PLXNC1: variants seen among roughly 807,000 people sequenced by gnomAD.
The protein encoded by PLXNC1 is plexin C1, also known as plexin-C1.
A neutral mutation model predicts 178.2 loss-of-function variants in PLXNC1; 75 were observed. The ratio of observed to expected loss-of-function variants is 0.42; its 90% confidence interval spans 0.35 to 0.51. PLXNC1 has a LOEUF of 0.51. Among genes scored for constraint, PLXNC1 ranks in the 20% least tolerant of loss-of-function variants. PLXNC1 has a pLI of 0.02. For synonymous variants in PLXNC1, 790 were observed against 779.9 expected (o/e 1.01, Z -0.22); for missense variants, 1,503 against 1,984.4 (o/e 0.76, Z 4.61).
At position 94,303,796 on chromosome 12, in the gene PLXNC1, C is replaced by T. The variant is rs757529377; in HGVS notation, c.4427C>T (p.Pro1476Leu). The change falls in exon 29 of 31, where the codon CCA becomes CTA. Residue 1476 changes from proline (P) to leucine (L), a missense_variant. By Grantham distance (98) the Pro-to-Leu change is moderately conservative. Transcript: ENST00000258526. ...TNKLLYAKDI[P>L]TYKEEVKSYY... ...AAGCTTCTCTATGCCAAGGATATCCCAACCTACAAAGAAGAAGTAAAATCT... is the reference window on the plus strand; with the variant it reads ...AAGCTTCTCTATGCCAAGGATATCCTAACCTACAAAGAAGAAGTAAAATCT... The T allele has an allele frequency of 6.2e-6, 10 of 1,605,378 alleles. No homozygotes were observed. The highest frequency in any genetic ancestry group is 7.6e-6 in the Non-Finnish European group (9 of 1,176,764).
chr12:94,164,844 T>G (rs1961546143), intron 1 of PLXNC1, among the ~76,000 whole-genome samples: 1 of 152,128 alleles, frequency 6.6e-6, no homozygotes, highest in Admixed American at 6.5e-5. Context: ...AAAGTTTCCC[T>G]CTTAGAGCCG....
At chr12:94,246,204 T>C (rs558865969) in intron 12 of PLXNC1, among the ~76,000 whole-genome samples, 2 of 152,226 alleles carry the variant, frequency 1.3e-5, no homozygotes, top group East Asian at 3.9e-4. Flanking sequence ...ATTTTGGCAA[T>C]GGTGCACAGC....
chr12:94,248,758 G>C (rs1431611374), intron 14 of PLXNC1, among the ~76,000 whole-genome samples: 1 of 152,110 alleles, frequency 6.6e-6, no homozygotes, highest in East Asian at 1.9e-4. Context: ...CAAATGCGGA[G>C]GTGACATGTC....
chr12:94,188,376 G>A (rs1214198651), intron 4 of PLXNC1, among the ~76,000 whole-genome samples: 1 of 145,730 alleles, frequency 6.9e-6, no homozygotes, highest in African/African-American at 2.5e-5. Context: ...AGGCTGGGGT[G>A]CAGTGGCATG....
At chr12:94,245,449 G>T (rs1964501875) in intron 12 of PLXNC1, among the ~76,000 whole-genome samples, 2 of 152,146 alleles carry the variant, frequency 1.3e-5, no homozygotes, top group Admixed American at 1.3e-4. Flanking sequence ...GGGAGGCCAA[G>T]GCGGGAAGAC....
intron 11 of PLXNC1, among the ~76,000 whole-genome samples, chr12:94,243,301 G>T: frequency 6.6e-6 from 1 of 152,240 alleles, no homozygotes; most frequent in Non-Finnish European, 1.5e-5. Flanking sequence ...GGGTGCAAGG[G>T]CAGACAGAGC....
intron 21 of PLXNC1, among the ~76,000 whole-genome samples, chr12:94,276,660 TAATC>T (rs1379401367): frequency 2.6e-5 from 4 of 152,304 alleles, no homozygotes; most frequent in Admixed American, 2.0e-4. Context: ...ATGGGAATAA[TAATC>T]CAGGAAACAT....
chr12:94,284,083 AG>A (rs201943489), intron 23 of PLXNC1, among the ~76,000 whole-genome samples: 2 of 131,192 alleles, frequency 1.5e-5, no homozygotes. Flanking sequence ...ACTCCATGTC[AG>A]GGGAAAAAAA....
At chr12:94,232,163 T>C (rs1284250396) in intron 9 of PLXNC1, among the ~76,000 whole-genome samples, 1 of 152,120 alleles carries the variant, frequency 6.6e-6, no homozygotes. Flanking sequence ...CTCGGCTCAC[T>C]GCAACCTCTG....
At chr12:94,289,567 C>T (rs1290732091) in intron 23 of PLXNC1, among the ~76,000 whole-genome samples, 6 of 152,112 alleles carry the variant, frequency 3.9e-5, no homozygotes, top group Admixed American at 2.6e-4. Flanking sequence ...GACTAGGGGA[C>T]GATTAATGAG....
Position 94,260,801 on chromosome 12 carries a change from C to A in PLXNC1, c.3411C>A (p.Leu1137=). 6.2e-7 allele frequency: 1 copy of A among 1,614,224 alleles called. No individual in the cohort carries two copies. Among genetic ancestry groups the A allele is most frequent in the Non-Finnish European group, 8.5e-7 (1 of 1,180,032 alleles). Residue 1137 remains leucine (L), a synonymous_variant, in exon 20 of 31, where the codon CTC becomes CTA. Transcript: ENST00000258526. This position sits in a 1 kb window ranked among gnomAD's most constrained non-coding sequence, Gnocchi z 4.4. ...RRTESVVEKL[L]TNWMSVCLSG... ...CGGAGTCCGTCGTCGAAAAACTCCTCACAAACTGGATGTCCGTCTGCCTTT... is the reference window on the plus strand; with the variant it reads ...CGGAGTCCGTCGTCGAAAAACTCCTAACAAACTGGATGTCCGTCTGCCTTT...
intron 28 of PLXNC1, among the ~76,000 whole-genome samples, chr12:94,302,785 T>G (rs1183879838): frequency 6.6e-6 from 1 of 152,208 alleles, no homozygotes; most frequent in Non-Finnish European, 1.5e-5. Flanking sequence ...TAGTAAGCAC[T>G]TCATAAATCT....
chr12:94,250,828 G>A (rs1964664708), intron 14 of PLXNC1, among the ~76,000 whole-genome samples: 1 of 151,894 alleles, frequency 6.6e-6, no homozygotes, highest in Admixed American at 6.6e-5. Flanking sequence ...AGACCAGACT[G>A]GGCAACATAG....
intron 5 of PLXNC1, among the ~76,000 whole-genome samples, chr12:94,213,289 T>A (rs1963548138): frequency 6.6e-6 from 1 of 152,228 alleles, no homozygotes; most frequent in African/African-American, 2.4e-5. Context: ...AGTGTTCCTG[T>A]TTCTCCACAT....
chr12:94,229,744 T>G (rs1211506662), intron 9 of PLXNC1, among the ~76,000 whole-genome samples: 1 of 152,224 alleles, frequency 6.6e-6, no homozygotes, highest in Non-Finnish European at 1.5e-5. Flanking sequence ...TCTTTTCTAT[T>G]CTATTGGTCT....
At chr12:94,302,862 C>T (rs527588581) in intron 28 of PLXNC1, among the ~76,000 whole-genome samples, 2 of 152,106 alleles carry the variant, frequency 1.3e-5, no homozygotes, top group Non-Finnish European at 2.9e-5. Flanking sequence ...ACTCTCAATG[C>T]CTGCTCCAGT....
In PLXNC1 at chr12:94,260,899, G is replaced by A. The variant is rs143648838; in HGVS notation, c.3450+59G>A. 223 of 1,389,564 alleles carry A rather than the reference G, an allele frequency of 1.6e-4. No individual in the cohort carries two copies. In the African/African-American group the frequency reaches 2.4e-3, roughly 15 times the overall value. 86.1% of individuals were successfully genotyped at this position (1,389,564 alleles called of 1,614,324 possible). On this transcript the variant is annotated intron_variant, in intron 20 of 30. Transcript: ENST00000258526. This position sits in a 1 kb window ranked among gnomAD's most constrained non-coding sequence, Gnocchi z 4.4. Reference sequence around the variant, plus strand: ...AAGACAATAGGCAGTTATTTTTAGCGGACTCTGATGCCTTTGCCAGGATAA... The same window carrying A: ...AAGACAATAGGCAGTTATTTTTAGCAGACTCTGATGCCTTTGCCAGGATAA...
At chr12:94,268,015 G>A (rs1190039099) in intron 21 of PLXNC1, among the ~76,000 whole-genome samples, 2 of 152,132 alleles carry the variant, frequency 1.3e-5, no homozygotes, top group Non-Finnish European at 2.9e-5. Context: ...GAGGTTGGGG[G>A]CAGATTCTTT....
intron 20 of PLXNC1, among the ~76,000 whole-genome samples, chr12:94,264,465 G>A (rs1426009515): frequency 6.6e-6 from 1 of 152,220 alleles, no homozygotes; most frequent in African/African-American, 2.4e-5. Context: ...CGGAAAACAT[G>A]TCCAGGTGGG....
Sources: gnomAD v4.1 joint callset for allele counts (sites outside exome capture counted in the v4.1 genomes callset) on GRCh38, gnomAD v4.1.1 for gene constraint, Gnocchi (gnomAD v3.1) non-coding constraint, MANE v1.5 for transcripts, NCBI Gene and HGNC (gene_info 2026-07-23, HGNC 2026-07-21) for gene names.